CALN1: variants seen among roughly 807,000 people sequenced by gnomAD.
CALN1 encodes calneuron 1.
A neutral mutation model predicts 30.6 loss-of-function variants in CALN1; 17 were observed. The observed-to-expected ratio is 0.56, with a 90% CI of 0.38 to 0.83. CALN1 has a LOEUF of 0.83. CALN1 is among the 40% of genes least tolerant of loss of function. The pLI, the probability that CALN1 is intolerant of heterozygous loss-of-function variation, is 0.00. For synonymous variants in CALN1, 156 were observed against 131.4 expected (o/e 1.19, Z -1.28); for missense variants, 291 against 354.9 (o/e 0.82, Z 1.45).
chr7:72,202,584 GA>G (rs1229112598), intron 3 of CALN1, among the ~76,000 whole-genome samples: 3 of 152,144 alleles, frequency 2.0e-5, no homozygotes, highest in Admixed American at 6.6e-5. Context: ...CTCTGTGATA[GA>G]AAGTTCAGGA....
chr7:72,466,402 CA>C, the CALN1 span, among the ~76,000 whole-genome samples: 15 of 152,216 alleles, frequency 9.9e-5, no homozygotes, highest in African/African-American at 3.4e-4. Context: ...TCTAGTGTGT[CA>C]GGGGAACCAA....
chr7:72,245,726 A>G (rs1795118069), intron 3 of CALN1, among the ~76,000 whole-genome samples: 1 of 152,218 alleles, frequency 6.6e-6, no homozygotes. Context: ...GGCTAGAGGC[A>G]ATGCTGGGAT....
chr7:72,189,404 C>CT (rs1438984687), intron 3 of CALN1, among the ~76,000 whole-genome samples: 1 of 152,188 alleles, frequency 6.6e-6, no homozygotes, highest in Non-Finnish European at 1.5e-5. Context: ...TCAAAGAGGA[C>CT]TTTATTATAT....
chr7:72,428,378 G>T (rs1007091838), intron 1 of CALN1, among the ~76,000 whole-genome samples: 4 of 150,454 alleles, frequency 2.7e-5, no homozygotes, highest in African/African-American at 9.8e-5. Flanking sequence ...TTTTTTTTTT[G>T]TTTTTATTTT....
intron 3 of CALN1, among the ~76,000 whole-genome samples, chr7:72,252,362 G>A (rs1159651935): frequency 6.6e-6 from 1 of 152,140 alleles, no homozygotes; most frequent in Non-Finnish European, 1.5e-5. Flanking sequence ...CACTTAGGGA[G>A]GCCAAGGCAG....
chr7:72,144,923 C>T (rs532186423), intron 3 of CALN1, among the ~76,000 whole-genome samples: 55 of 146,548 alleles, frequency 3.8e-4, no homozygotes, highest in South Asian at 2.2e-3. Flanking sequence ...TTGAAACCAA[C>T]GAGAACAAAG....
In CALN1 at chr7:71,951,310, G is replaced by A. The variant is rs564890259; in HGVS notation, c.501+72347C>T. On this transcript the variant is annotated intron_variant, in intron 5 of 6. Transcript: ENST00000395275. The stretch of plus-strand genomic sequence containing the variant: ...ACTTACAGTAAAGAATAGCAGAAAC[G>A]GCCGGGCGCATGGCTCATGCCTGTA... Among the ~76,000 whole-genome samples the A allele has an allele frequency of 6.6e-5, 10 of 152,290 alleles. No individual in the cohort carries two copies. In the South Asian group the frequency reaches 1.0e-3, roughly 16 times the overall value.
At chr7:71,887,908 G>A (rs566133048) in intron 5 of CALN1, among the ~76,000 whole-genome samples, 19 of 152,144 alleles carry the variant, frequency 1.2e-4, no homozygotes, top group Middle Eastern at 3.4e-3. Context: ...AAATGATGGC[G>A]GCTTGGGTGT....
chr7:72,212,543 G>A (rs190682298), intron 3 of CALN1, among the ~76,000 whole-genome samples: 3 of 152,172 alleles, frequency 2.0e-5, no homozygotes, highest in Admixed American at 2.0e-4. Context: ...TTCTAGGCCT[G>A]GCATAGTAGC....
At chr7:72,314,669 C>T (rs1286417678) in intron 2 of CALN1, among the ~76,000 whole-genome samples, 1 of 151,812 alleles carries the variant, frequency 6.6e-6, no homozygotes, top group Non-Finnish European at 1.5e-5. Context: ...CCCGCCTTGT[C>T]TGCCCAAAGT....
At chr7:72,362,941 C>A (rs1462451313) in intron 2 of CALN1, among the ~76,000 whole-genome samples, 1 of 152,156 alleles carries the variant, frequency 6.6e-6, no homozygotes, top group Admixed American at 6.5e-5. Context: ...GCACCTGTCC[C>A]GTCACAGGCC....
Position 71,971,965 on chromosome 7 carries a change from G to A in CALN1, c.501+51692C>T, listed in dbSNP as rs372719894. On this transcript the variant is annotated intron_variant, in intron 5 of 6. Coordinates refer to ENST00000395275, the MANE Select transcript of CALN1 (RefSeq NM_031468.4). Reference sequence around the variant, plus strand: ...AAAAAAAAAAAAAAAAAGAAAGAAAGAAAGAAAGAAAGAAAGAAAGAAAGA... The same window carrying A: ...AAAAAAAAAAAAAAAAAGAAAGAAAAAAAGAAAGAAAGAAAGAAAGAAAGA... Among the ~76,000 whole-genome samples, 254 of 74,392 alleles carry A rather than the reference G, an allele frequency of 3.4e-3. 1 individual carries two copies. The highest frequency in any genetic ancestry group is 6.3e-3 in the Middle Eastern group (1 of 158). 48.8% of individuals were successfully genotyped at this position (74,392 alleles called of 152,430 possible).
intron 4 of CALN1, among the ~76,000 whole-genome samples, chr7:72,095,824 G>C (rs1338296704): frequency 6.6e-6 from 1 of 152,046 alleles, no homozygotes; most frequent in African/African-American, 2.4e-5. Context: ...TTGAGGCCAG[G>C]AGTTCTACAC....
At chr7:71,999,859 A>G (rs1799441025) in intron 5 of CALN1, among the ~76,000 whole-genome samples, 1 of 152,134 alleles carries the variant, frequency 6.6e-6, no homozygotes, top group Admixed American at 6.6e-5. Flanking sequence ...CAAGACAGAT[A>G]ATATAAAGGC....
chr7:72,352,142 G>A (rs867253014), intron 2 of CALN1, among the ~76,000 whole-genome samples: 1 of 151,860 alleles, frequency 6.6e-6, no homozygotes, highest in South Asian at 2.1e-4. Context: ...ACTCCAGCCT[G>A]GGTGACACAG....
intron 3 of CALN1, among the ~76,000 whole-genome samples, chr7:72,111,007 C>T (rs1807533229): frequency 1.3e-5 from 2 of 152,152 alleles, no homozygotes; most frequent in African/African-American, 4.8e-5. Flanking sequence ...CAAGAACAGG[C>T]AGTAATGTTG....
chr7:72,184,820 C>A (rs1410393170), intron 3 of CALN1, among the ~76,000 whole-genome samples: 1 of 151,454 alleles, frequency 6.6e-6, no homozygotes, highest in Admixed American at 6.6e-5. Context: ...TTAGAGACAG[C>A]CTTACTCTGT....
intron 1 of CALN1, among the ~76,000 whole-genome samples, chr7:72,435,070 G>A (rs555143713): frequency 6.6e-6 from 1 of 152,068 alleles, no homozygotes; most frequent in East Asian, 1.9e-4. Context: ...CTACAAAAAT[G>A]GTTTTTTTAA....
intron 5 of CALN1, among the ~76,000 whole-genome samples, chr7:71,955,670 T>C (rs903726588): frequency 3.3e-5 from 5 of 151,922 alleles, no homozygotes; most frequent in African/African-American, 9.7e-5. Context: ...ATAGAGGTAA[T>C]ATAGGGTACA....
Sources: allele counts gnomAD v4.1 joint callset (sites outside exome capture counted in the v4.1 genomes callset), GRCh38; gene constraint gnomAD v4.1.1; transcripts MANE v1.5; gene names NCBI Gene and HGNC (gene_info 2026-07-23, HGNC 2026-07-21).